The following PXDNL variants were observed in gnomAD, a reference collection of about 807,000 sequenced individuals.
PXDNL encodes the protein probable oxidoreductase PXDNL.
PXDNL carries 145 observed loss-of-function variants against 150.8 expected under a neutral mutation model. The ratio of observed to expected loss-of-function variants is 0.96; its 90% CI spans 0.84 to 1.10. PXDNL has a LOEUF of 1.10. Among genes scored for constraint, PXDNL ranks in the 50% least tolerant of loss-of-function variants. PXDNL has a pLI of 0.00. For synonymous variants in PXDNL, 757 were observed against 725.7 expected (o/e 1.04, Z -0.69); for missense variants, 2,087 against 1,873.9 (o/e 1.11, Z -2.10).
intron 17 of PXDNL, among the ~76,000 whole-genome samples, chr8:51,385,274 C>A (rs1030786073): frequency 3.3e-5 from 5 of 151,642 alleles, no homozygotes; most frequent in African/African-American, 1.2e-4. Flanking sequence ...TAAAGACACA[C>A]AGTCTCCAGG....
intron 8 of PXDNL, among the ~76,000 whole-genome samples, chr8:51,461,830 C>T (rs1204195221): frequency 6.6e-6 from 1 of 152,176 alleles, no homozygotes; most frequent in Non-Finnish European, 1.5e-5. Context: ...ATATCTCTCA[C>T]TTCCTGTCTC....
intron 1 of PXDNL, among the ~76,000 whole-genome samples, chr8:51,757,078 A>T (rs561344116): frequency 6.6e-6 from 1 of 152,118 alleles, no homozygotes; most frequent in Non-Finnish European, 1.5e-5. Flanking sequence ...CTTTTCTCTG[A>T]TAGTGATTTT....
chr8:51,546,673 C>T lies in PXDNL; in HGVS notation c.380+10167G>A, dbSNP rs145403058. Among the ~76,000 whole-genome samples the T allele has an allele frequency of 1.5e-3, 227 of 152,296 alleles. 1 individual carries two copies. The highest frequency in any genetic ancestry group is 5.1e-3 in the African/African-American group (213 of 41,572). On this transcript the variant is annotated intron_variant, in intron 4 of 22. Transcript: ENST00000356297. ...GCAGAAATGAGCACAGAAGCTCCAGCGGATGGTGCAGGCAGGCAGGGAGGG... is the reference window on the plus strand; with the variant it reads ...GCAGAAATGAGCACAGAAGCTCCAGTGGATGGTGCAGGCAGGCAGGGAGGG...
At chr8:51,502,586 G>A (rs374671782) in intron 4 of PXDNL, among the ~76,000 whole-genome samples, 4 of 152,186 alleles carry the variant, frequency 2.6e-5, no homozygotes, top group African/African-American at 4.8e-5. Context: ...GTCACGAGCC[G>A]GGTCTGTGGT....
intron 19 of PXDNL, among the ~76,000 whole-genome samples, chr8:51,371,101 TGACA>T (rs1353758426): frequency 1.3e-5 from 2 of 152,220 alleles, no homozygotes; most frequent in African/African-American, 4.8e-5. Flanking sequence ...ATCCTCCATG[TGACA>T]GACACCTGCT....
intron 2 of PXDNL, among the ~76,000 whole-genome samples, chr8:51,630,480 T>C (rs1814466550): frequency 6.6e-6 from 1 of 151,956 alleles, no homozygotes; most frequent in Non-Finnish European, 1.5e-5. Flanking sequence ...AAATAAAGTA[T>C]CAACAGAGTA....
intron 7 of PXDNL, among the ~76,000 whole-genome samples, chr8:51,473,040 G>A (rs1810382646): frequency 6.6e-6 from 1 of 151,952 alleles, no homozygotes; most frequent in African/African-American, 2.4e-5. Flanking sequence ...TATGTCTGTA[G>A]AACATTCCGT....
intron 21 of PXDNL, among the ~76,000 whole-genome samples, chr8:51,333,915 A>G (rs1405512413): frequency 1.3e-5 from 2 of 152,198 alleles, no homozygotes; most frequent in Non-Finnish European, 2.9e-5. Context: ...GGTCATCAAG[A>G]CAGAAAATCA....
At position 51,319,657 on chromosome 8, in the gene PXDNL, C is replaced by A. The variant is rs1563355347; in HGVS notation, c.*234G>T. The stretch of plus-strand genomic sequence containing the variant: ...TGACAGCTTACAGTAAGAAATATTT[C>A]TTATGATCAAACACTTCATATGCAC... On this transcript the variant is annotated 3_prime_UTR_variant, in exon 23 of 23. Transcript: ENST00000356297. The A allele has an allele frequency of 3.6e-6, 1 of 281,062 alleles. No homozygotes were observed. The highest frequency in any genetic ancestry group is 6.5e-6 in the Non-Finnish European group (1 of 153,002). 17.4% of individuals were successfully genotyped at this position (281,062 alleles called of 1,614,324 possible). A position where few individuals can be genotyped will look rare whatever the true frequency, so the allele number is the denominator to read the frequency against.
intron 1 of PXDNL, among the ~76,000 whole-genome samples, chr8:51,775,451 T>C (rs1449766340): frequency 6.6e-6 from 1 of 152,218 alleles, no homozygotes; most frequent in African/African-American, 2.4e-5. Context: ...GGTTCATCAG[T>C]GTCACCCTGT....
intron 3 of PXDNL, among the ~76,000 whole-genome samples, chr8:51,589,715 G>T (rs755973267): frequency 6.6e-6 from 1 of 152,172 alleles, no homozygotes; most frequent in African/African-American, 2.4e-5. Context: ...AGAGCACTCA[G>T]GTTGCTGCAT....
At chr8:51,419,578 A>G (rs1456755245) in intron 14 of PXDNL, among the ~76,000 whole-genome samples, 1 of 152,184 alleles carries the variant, frequency 6.6e-6, no homozygotes, top group Admixed American at 6.6e-5. Flanking sequence ...TCTTCTCACT[A>G]TCTCACACTT....
intron 21 of PXDNL, among the ~76,000 whole-genome samples, chr8:51,336,161 C>T (rs1293668777): frequency 6.6e-6 from 1 of 151,998 alleles, no homozygotes; most frequent in Non-Finnish European, 1.5e-5. Flanking sequence ...ATGATGAGGC[C>T]CATTATGGTA....
chr8:51,693,461 T>A (rs1340557674), intron 1 of PXDNL, among the ~76,000 whole-genome samples: 1 of 152,214 alleles, frequency 6.6e-6, no homozygotes, highest in African/African-American at 2.4e-5. Context: ...TTGCACAACA[T>A]AAACTGTTCA....
chr8:51,675,380 G>A (rs924136867), intron 1 of PXDNL, among the ~76,000 whole-genome samples: 2 of 152,084 alleles, frequency 1.3e-5, no homozygotes, highest in African/African-American at 4.8e-5. Flanking sequence ...CCCTCCAGAA[G>A]ACACAGCAAC....
intron 4 of PXDNL, among the ~76,000 whole-genome samples, chr8:51,528,051 A>G (rs1282967328): frequency 6.6e-6 from 1 of 152,196 alleles, no homozygotes; most frequent in African/African-American, 2.4e-5. Flanking sequence ...AACCAAAGGT[A>G]TCAGAATTAA....
At chr8:51,321,630 C>G (rs1390250880) in intron 21 of PXDNL, among the ~76,000 whole-genome samples, 1 of 152,058 alleles carries the variant, frequency 6.6e-6, no homozygotes, top group African/African-American at 2.4e-5. Flanking sequence ...CATTTGCTCT[C>G]TCTCTCCTGC....
chr8:51,641,075 G>A (rs1423318997), intron 2 of PXDNL, among the ~76,000 whole-genome samples: 2 of 151,940 alleles, frequency 1.3e-5, no homozygotes, highest in African/African-American at 2.4e-5. Context: ...TCTGATCTTT[G>A]ACAAACCTGA....
chr8:51,723,527 A>G (rs931450947), intron 1 of PXDNL, among the ~76,000 whole-genome samples: 2 of 152,216 alleles, frequency 1.3e-5, no homozygotes, highest in African/African-American at 4.8e-5. Flanking sequence ...ATGTTAGGAA[A>G]GGCTCTGCTG....
Sources: allele counts gnomAD v4.1 joint callset (sites outside exome capture counted in the v4.1 genomes callset), GRCh38; gene constraint gnomAD v4.1.1; transcripts MANE v1.5; gene names NCBI Gene and HGNC (gene_info 2026-07-23, HGNC 2026-07-21).